The following TSHZ2 variants were observed in gnomAD, a reference collection of about 807,000 sequenced individuals.
TSHZ2 encodes the protein teashirt homolog 2.
TSHZ2 carries 21 observed loss-of-function variants against 74.4 expected under a neutral mutation model. That is an observed-to-expected ratio of 0.28 (90% CI 0.20 to 0.41). The LOEUF is 0.41. Among genes scored for constraint, TSHZ2 ranks in the 10% least tolerant of loss-of-function variants. The probability of loss-of-function intolerance (pLI) is 1.00; values close to 1 mark genes in which losing one functional copy is unlikely to be tolerated. For synonymous variants in TSHZ2, 540 were observed against 515.3 expected, an observed-to-expected ratio of 1.05 and a Z score of -0.65; for missense variants, 1,244 against 1,293.5, an observed-to-expected ratio of 0.96 and a Z score of 0.59.
chr20:53,053,235 C>A (rs563334657), intron 1 of TSHZ2, among the ~76,000 whole-genome samples: 1 of 152,146 alleles, frequency 6.6e-6, no homozygotes, highest in Non-Finnish European at 1.5e-5. Context: ...ATTTTATTAC[C>A]AAATAATATT....
At chr20:53,038,415 G>C (rs766199765) in intron 1 of TSHZ2, among the ~76,000 whole-genome samples, 88 of 152,030 alleles carry the variant, frequency 5.8e-4, no homozygotes, top group Non-Finnish European at 7.6e-4. Flanking sequence ...TGCTGTTTAC[G>C]GCCTGTCTAC....
chr20:53,212,007 G>A (rs1308206637), intron 1 of TSHZ2, among the ~76,000 whole-genome samples: 2 of 152,106 alleles, frequency 1.3e-5, no homozygotes, highest in African/African-American at 4.8e-5. Flanking sequence ...CCTTACCTGC[G>A]TTACCCAGCC....
chr20:53,418,253 G>T (rs1983342626), intron 2 of TSHZ2, among the ~76,000 whole-genome samples: 1 of 152,130 alleles, frequency 6.6e-6, no homozygotes, highest in Non-Finnish European at 1.5e-5. Context: ...ACTTCCCAAG[G>T]TTCCCTTTTT....
intron 2 of TSHZ2, among the ~76,000 whole-genome samples, chr20:53,290,647 AAC>A (rs1367062442): frequency 6.6e-6 from 1 of 152,200 alleles, no homozygotes; most frequent in African/African-American, 2.4e-5. Context: ...GGTAAGAGGA[AAC>A]ACAACTATTA....
chr20:53,057,097 C>T (rs910000214), intron 1 of TSHZ2, among the ~76,000 whole-genome samples: 4 of 152,144 alleles, frequency 2.6e-5, no homozygotes, highest in South Asian at 2.1e-4. Context: ...TCCCCTGCAC[C>T]GCTCTCCTGT....
At chr20:53,039,383 T>G (rs1983953918) in intron 1 of TSHZ2, among the ~76,000 whole-genome samples, 1 of 152,204 alleles carries the variant, frequency 6.6e-6, no homozygotes, top group African/African-American at 2.4e-5. Context: ...TACCTTTTTC[T>G]CTCTCGATGC....
chr20:53,318,252 T>C (rs1979105995), intron 2 of TSHZ2, among the ~76,000 whole-genome samples: 1 of 152,154 alleles, frequency 6.6e-6, no homozygotes, highest in Non-Finnish European at 1.5e-5. Context: ...ATCCTTCTGG[T>C]AGGAGAGGGC....
chr20:53,057,347 G>A (rs538933132), intron 1 of TSHZ2, among the ~76,000 whole-genome samples: 1 of 152,256 alleles, frequency 6.6e-6, no homozygotes, highest in South Asian at 2.1e-4. Flanking sequence ...TGAATCTGCA[G>A]TACCAGGCCC....
intron 1 of TSHZ2, among the ~76,000 whole-genome samples, chr20:53,186,130 G>C (rs6126775): frequency 6.6e-6 from 1 of 152,194 alleles, no homozygotes; most frequent in Non-Finnish European, 1.5e-5. Context: ...TTTGATGTAA[G>C]CTGGTGGAAG....
intron 2 of TSHZ2, among the ~76,000 whole-genome samples, chr20:53,419,676 T>TAA (rs1983396740): frequency 6.6e-6 from 1 of 152,202 alleles, no homozygotes; most frequent in African/African-American, 2.4e-5. Flanking sequence ...GGGCAGTCAA[T>TAA]AACAAATAGT....
chr20:53,262,657 G>A (rs532681105), intron 2 of TSHZ2, among the ~76,000 whole-genome samples: 6 of 152,270 alleles, frequency 3.9e-5, no homozygotes, highest in East Asian at 1.9e-4. Flanking sequence ...ATGATGCCAC[G>A]CCCTGCAAGA....
intron 1 of TSHZ2, among the ~76,000 whole-genome samples, chr20:53,239,341 T>C (rs1990014452): frequency 6.6e-6 from 1 of 152,160 alleles, no homozygotes; most frequent in Non-Finnish European, 1.5e-5. Flanking sequence ...TGTTGTCCTA[T>C]TTAAGTAGGA....
intron 1 of TSHZ2, among the ~76,000 whole-genome samples, chr20:53,219,599 G>C (rs1159831844): frequency 6.6e-6 from 1 of 152,098 alleles, no homozygotes; most frequent in African/African-American, 2.4e-5. Flanking sequence ...GAAATTATCT[G>C]TTCCTTGGGT....
Position 53,096,609 on chromosome 20 carries a change from G to A in TSHZ2, c.40+123276G>A, listed in dbSNP as rs117718319. On this transcript the variant is annotated intron_variant, in intron 1 of 2. Coordinates refer to ENST00000371497, the MANE Select transcript of TSHZ2 (RefSeq NM_173485.6). ...TTAAACCAGGTTTTCTCGGCCAGGC[G>A]CGGTGGCTCACTCCTGTAATCCTAG... is the stretch of plus-strand genomic sequence containing the variant. Among the ~76,000 whole-genome samples the A allele has an allele frequency of 0.012, 1,780 of 152,094 alleles. 81 individuals carry two copies. The East Asian group carries it at 0.16, about 13-fold the overall frequency.
At chr20:53,438,742 T>C (rs6022469) in intron 2 of TSHZ2, among the ~76,000 whole-genome samples, 26,272 of 152,014 alleles carry the variant, frequency 0.17, 2,386 homozygotes, top group East Asian at 0.32. Context: ...AGGTGGATCA[T>C]CTGAGGTCAG....
intron 2 of TSHZ2, among the ~76,000 whole-genome samples, chr20:53,327,191 A>G (rs1979528723): frequency 6.6e-6 from 1 of 152,252 alleles, no homozygotes; most frequent in South Asian, 2.1e-4. Context: ...GGTAGAATTT[A>G]TCAAACCAGA....
chr20:53,361,821 A>C (rs1981063442), intron 2 of TSHZ2, among the ~76,000 whole-genome samples: 2 of 152,196 alleles, frequency 1.3e-5, no homozygotes, highest in African/African-American at 2.4e-5. Context: ...TGCAGGTGAA[A>C]CATTGGTTTC....
chr20:53,106,698 T>A (rs1023697898), intron 1 of TSHZ2, among the ~76,000 whole-genome samples: 7 of 108,476 alleles, frequency 6.5e-5, no homozygotes, highest in African/African-American at 2.9e-4. Flanking sequence ...ACGCAGGGCA[T>A]TTTTTTTTGT....
chr20:53,378,341 A>AAATAATAATAATAATAAT (rs11474507), intron 2 of TSHZ2, among the ~76,000 whole-genome samples: 1 of 142,522 alleles, frequency 7.0e-6, no homozygotes, highest in Non-Finnish European at 1.5e-5. Context: ...CTTTGTATCA[A>AAATAATAATAATAATAAT]AATAATAATA....
Sources: allele counts gnomAD v4.1 joint callset (sites outside exome capture counted in the v4.1 genomes callset), GRCh38; gene constraint gnomAD v4.1.1; transcripts MANE v1.5; gene names NCBI Gene and HGNC (gene_info 2026-07-23, HGNC 2026-07-21).